The following EVA1C variants were observed in gnomAD, a reference collection of about 807,000 sequenced individuals.
EVA1C encodes protein eva-1 homolog C.
A neutral mutation model predicts 45.4 loss-of-function variants in EVA1C; 25 were observed. The observed-to-expected ratio is 0.55, with a 90% CI of 0.40 to 0.77. The LOEUF (loss-of-function observed/expected upper bound fraction) is 0.77. Among genes scored for constraint, EVA1C ranks in the 30% least tolerant of loss-of-function variants. The pLI, the probability that EVA1C is intolerant of heterozygous loss-of-function variation, is 0.00. For missense variants in EVA1C, 479 were observed against 554.8 expected, an observed-to-expected ratio of 0.86 and a Z score of 1.37; for synonymous variants, 190 against 221.2, an observed-to-expected ratio of 0.86 and a Z score of 1.25.
intron 4 of EVA1C, among the ~76,000 whole-genome samples, chr21:32,477,610 C>T (rs1013676733): frequency 1.3e-5 from 2 of 151,888 alleles, no homozygotes; most frequent in Admixed American, 6.6e-5. Flanking sequence ...AGTTTCTCCC[C>T]ACATGAGTCT....
chr21:32,422,374 G>A (rs182394600), intron 1 of EVA1C, among the ~76,000 whole-genome samples: 74 of 152,240 alleles, frequency 4.9e-4, no homozygotes, highest in Non-Finnish European at 7.9e-4. Context: ...ATATACATCT[G>A]ATCAGTATTC....
intron 1 of EVA1C, among the ~76,000 whole-genome samples, chr21:32,448,013 C>T (rs1268367653): frequency 1.3e-5 from 2 of 152,236 alleles, no homozygotes; most frequent in Non-Finnish European, 2.9e-5. Context: ...CCCCTCCACT[C>T]ACTTTTCAAC....
intron 1 of EVA1C, among the ~76,000 whole-genome samples, chr21:32,446,510 G>C (rs750834778): frequency 2.0e-5 from 3 of 152,208 alleles, no homozygotes; most frequent in Non-Finnish European, 2.9e-5. Flanking sequence ...ATTAGTAGTT[G>C]TTCTTTAAAA....
chr21:32,437,730 G>A (rs893063199), intron 1 of EVA1C, among the ~76,000 whole-genome samples: 1 of 152,016 alleles, frequency 6.6e-6, no homozygotes, highest in African/African-American at 2.4e-5. Context: ...GGGTGGGTCA[G>A]ATGTAGCCGT....
intron 1 of EVA1C, among the ~76,000 whole-genome samples, chr21:32,429,168 G>A (rs1418849778): frequency 2.0e-5 from 3 of 150,924 alleles, no homozygotes; most frequent in East Asian, 3.9e-4. Context: ...AGCCTCCCAA[G>A]TAGCTGGGAT....
intron 4 of EVA1C, among the ~76,000 whole-genome samples, chr21:32,480,633 A>C (rs1051811635): frequency 1.3e-5 from 2 of 152,142 alleles, no homozygotes. Context: ...GCGCCACTGC[A>C]CTCTAGCCTG....
At chr21:32,471,507 G>A (rs2036375373) in intron 4 of EVA1C, among the ~76,000 whole-genome samples, 1 of 151,738 alleles carries the variant, frequency 6.6e-6, no homozygotes, top group Non-Finnish European at 1.5e-5. Flanking sequence ...TGTAGTTTTA[G>A]TAGACACAGG....
Position 32,474,040 on chromosome 21 carries a change from A to C in EVA1C, c.634+6192A>C. 79 of 738,054 alleles carry C rather than the reference A, an allele frequency of 1.1e-4. No homozygotes were observed. Among genetic ancestry groups the C allele is most frequent in the Non-Finnish European group, 1.2e-4 (74 of 604,288 alleles). 45.7% of individuals were successfully genotyped at this position (738,054 alleles called of 1,614,324 possible). On this transcript the variant is annotated intron_variant, in intron 4 of 7. Coordinates refer to ENST00000300255, the MANE Select transcript of EVA1C (RefSeq NM_058187.5). The surrounding 1 kb of genome is among the most constrained non-coding windows in gnomAD (Gnocchi z 4.4). Reference sequence around the variant, plus strand: ...ACTCATGGGCTCAAGCAATTCTCTCACCTCAGCCTCCTGAGTAGCTGGGAC... The same window carrying C: ...ACTCATGGGCTCAAGCAATTCTCTCCCCTCAGCCTCCTGAGTAGCTGGGAC...
intron 1 of EVA1C, among the ~76,000 whole-genome samples, chr21:32,423,621 T>G (rs939452107): frequency 6.6e-6 from 1 of 152,062 alleles, no homozygotes; most frequent in Non-Finnish European, 1.5e-5. Context: ...TGGCTATGCA[T>G]AGATTTTACA....
At chr21:32,427,855 T>TAAAA (rs35551211) in intron 1 of EVA1C, among the ~76,000 whole-genome samples, 3 of 122,544 alleles carry the variant, frequency 2.4e-5, no homozygotes, top group Non-Finnish European at 3.4e-5. Context: ...CCATCTCTAT[T>TAAAA]AAAAAAAAAA....
chr21:32,448,934 G>GAGAA lies in EVA1C; in HGVS notation c.161-4375_161-4374insAAGA, dbSNP rs1161868364. Among the ~76,000 whole-genome samples the GAGAA allele has an allele frequency of 3.8e-3, 543 of 141,332 alleles. 3 individuals are homozygous for GAGAA. The highest frequency in any genetic ancestry group is 0.014 in the African/African-American group (516 of 37,738). The allele number at this position is 141,332 out of a possible 152,430, so 92.7% of individuals were successfully genotyped here. A position where few individuals can be genotyped will look rare whatever the true frequency, so the allele number is the denominator to read the frequency against. Reference sequence around the variant, plus strand: ...GAGAAAAGAGAGAAAGAAAGAAAGAGAGAGAAAGAGAGAAAGAAAGAAAAG... The same window carrying GAGAA: ...GAGAAAAGAGAGAAAGAAAGAAAGAGAGAAAGAGAAAGAGAGAAAGAAAGAAAAG... On this transcript the variant is annotated intron_variant, in intron 1 of 7. Transcript: ENST00000300255.
intron 1 of EVA1C, among the ~76,000 whole-genome samples, chr21:32,421,244 T>G (rs2034258223): frequency 6.6e-6 from 1 of 152,316 alleles, no homozygotes; most frequent in Non-Finnish European, 1.5e-5. Flanking sequence ...TTGGAGTTGC[T>G]TGATGGTCTT....
intron 4 of EVA1C, among the ~76,000 whole-genome samples, chr21:32,480,302 T>TAAAAAAA (rs56902183): frequency 1.9e-5 from 2 of 105,188 alleles, no homozygotes; most frequent in African/African-American, 4.2e-5. Flanking sequence ...CCCTGTCTCT[T>TAAAAAAA]AAAAAAAAAA....
At chr21:32,457,832 A>G in intron 3 of EVA1C, 112 bp downstream of exon 3, 1 of 1,244,922 alleles carries the variant, frequency 8.0e-7, no homozygotes, top group Non-Finnish European at 1.1e-6. Flanking sequence ...AAACTCATTA[A>G]CAGACACATT....
At position 32,514,980 on chromosome 21, in the gene EVA1C, C is replaced by T. The variant is rs375023870; in HGVS notation, c.1116C>T (p.Ser372=). The change falls in exon 8 of 8, where the codon AGC becomes AGT. Residue 372 remains serine, a synonymous_variant. Transcript: ENST00000300255. ...VPGSDKVEED[S]EDEEEEEDPS... ...GAAGTGACAAGGTCGAGGAGGACAG[C>T]GAGGATGAAGAAGAGGAGGAGGACC... 4.6e-5 allele frequency: 74 copies of T among 1,614,046 alleles called. No individual in the cohort carries two copies. Among genetic ancestry groups the T allele is most frequent in the Non-Finnish European group, 5.4e-5 (64 of 1,179,976 alleles).
rs199665330 is a variant in EVA1C at position 32,455,312 on chromosome 21, C to CA, written c.357+1810dup. Among the ~76,000 whole-genome samples, 1,286 of 152,012 alleles carry CA rather than the reference C, an allele frequency of 8.5e-3. 7 individuals are homozygous for CA. Among genetic ancestry groups the CA allele is most frequent in the Middle Eastern group, 0.037 (11 of 294 alleles). ...CTAACAACCTACTCCTGAAAAAAAA[C>CA]AAAAAACAAACAAACAAACAAAAAC... On this transcript the variant is annotated intron_variant, in intron 2 of 7. Transcript: ENST00000300255.
intron 4 of EVA1C, among the ~76,000 whole-genome samples, chr21:32,478,869 C>G (rs1223662900): frequency 6.6e-6 from 1 of 152,258 alleles, no homozygotes; most frequent in Non-Finnish European, 1.5e-5. Context: ...ACACAATAGG[C>G]CTCAAAGGCT....
In EVA1C at chr21:32,455,366, C is replaced by T. The variant is rs117509772; in HGVS notation, c.357+1858C>T. ...ATTAATCCATTCATAAGGGTGAAGA[C>T]CTGATGGTCTAATCACCTCTTAAAG... is the stretch of plus-strand genomic sequence containing the variant. On this transcript the variant is annotated intron_variant, in intron 2 of 7. Transcript: ENST00000300255. Among the ~76,000 whole-genome samples, 1,393 of 152,292 alleles carry T rather than the reference C, an allele frequency of 9.1e-3. 12 individuals carry two copies. Among genetic ancestry groups the T allele is most frequent in the Non-Finnish European group, 0.016 (1,057 of 68,034 alleles).
At chr21:32,430,816 T>C (rs1485916181) in intron 1 of EVA1C, among the ~76,000 whole-genome samples, 2 of 151,648 alleles carry the variant, frequency 1.3e-5, no homozygotes, top group South Asian at 2.1e-4. Flanking sequence ...CTAATAAAAA[T>C]ACAAAAATTA....
Sources: allele counts gnomAD v4.1 joint callset (sites outside exome capture counted in the v4.1 genomes callset), GRCh38; gene constraint gnomAD v4.1.1; non-coding constraint Gnocchi (gnomAD v3.1); transcripts MANE v1.5; gene names NCBI Gene and HGNC (gene_info 2026-07-23, HGNC 2026-07-21).